Variants in KIAA1614 observed in about 807,000 individuals in gnomAD.
KIAA1614 encodes uncharacterized protein KIAA1614.
KIAA1614 carries 76 observed loss-of-function variants against 88.7 expected under a neutral mutation model. The ratio of observed to expected loss-of-function variants is 0.86; its 90% CI spans 0.71 to 1.04. KIAA1614 has a LOEUF of 1.04. Among genes scored for constraint, KIAA1614 ranks in the 50% least tolerant of loss-of-function variants. The pLI, the probability that KIAA1614 is intolerant of heterozygous loss-of-function variation, is 0.00. For synonymous variants in KIAA1614, 714 were observed against 675.5 expected (o/e 1.06, Z -0.88); for missense variants, 1,553 against 1,582.5 (o/e 0.98, Z 0.32).
In KIAA1614 at chr1:180,946,497, GC is replaced by G. The variant is rs563491329; in HGVS notation, c.*912del. ...GGCAACGTGACTTGCAAAAGCCCACGCCCAAGGTCTGTGGTCCAGAATGCAT... is the reference window on the plus strand; with the variant it reads ...GGCAACGTGACTTGCAAAAGCCCACGCCAAGGTCTGTGGTCCAGAATGCAT... On this transcript the variant is annotated 3_prime_UTR_variant, in exon 9 of 9. Coordinates refer to ENST00000367588, the MANE Select transcript of KIAA1614 (RefSeq NM_020950.2). 1.1e-3 allele frequency: 174 copies of G among 152,356 alleles called. 2 individuals are homozygous for G. Among genetic ancestry groups the G allele is most frequent in the African/African-American group, 4.0e-3 (166 of 41,548 alleles). The allele number at this position is 152,356 out of a possible 1,614,324, so 9.4% of individuals were successfully genotyped here. A position where few individuals can be genotyped will look rare whatever the true frequency, so the allele number is the denominator to read the frequency against.
chr1:180,936,663 C>T lies in KIAA1614; in HGVS notation c.2754C>T (p.Ser918=), dbSNP rs1379523952. The T allele has an allele frequency of 2.0e-6, 3 of 1,525,126 alleles. No homozygotes were observed. In the African/African-American group the frequency reaches 4.1e-5, roughly 21 times the overall value. The allele number at this position is 1,525,126 out of a possible 1,614,324, so 94.5% of individuals were successfully genotyped here. Residue 918 remains serine (S), a synonymous_variant, in exon 5 of 9, where the codon AGC becomes AGT. Coordinates refer to ENST00000367588, the MANE Select transcript of KIAA1614 (RefSeq NM_020950.2). The stretch of plus-strand genomic sequence containing the variant: ...AACCGGAGCCGCCCCTGGAGAACAG[C>T]AGAGATGGTAAGGGGCTGCCGCTGG... ...SREPEPPLEN[S]RDGGPQGFLG... is the part of the protein sequence containing the mutation.
At chr1:180,926,163 C>T (rs1654062963) in intron 3 of KIAA1614, among the ~76,000 whole-genome samples, 1 of 152,240 alleles carries the variant, frequency 6.6e-6, no homozygotes, top group South Asian at 2.1e-4. Context: ...CCCAACCCTT[C>T]TAGGAATTTT....
chr1:180,919,409 A>T (rs774678451), intron 3 of KIAA1614, among the ~76,000 whole-genome samples: 10 of 152,142 alleles, frequency 6.6e-5, no homozygotes, highest in Non-Finnish European at 1.3e-4. Context: ...GAGGAGCGTG[A>T]CTACAGAAAG....
intron 3 of KIAA1614, among the ~76,000 whole-genome samples, chr1:180,922,404 C>A (rs1263519735): frequency 6.6e-6 from 1 of 152,226 alleles, no homozygotes; most frequent in Non-Finnish European, 1.5e-5. Flanking sequence ...TGTGAGTGAT[C>A]GAGGACCAAA....
rs1654314369 is a variant in KIAA1614, at chr1:180,935,667, G to A, written c.1758G>A (p.Glu586=). The A allele has an allele frequency of 6.2e-7, 1 of 1,613,242 alleles. No homozygotes were observed. Among genetic ancestry groups the A allele is most frequent in the Non-Finnish European group, 8.5e-7 (1 of 1,179,814 alleles). ...CCCCACTCCGGCTCCTTCCTGCAGAGCCCCGGCTCCACATGGAATGGATCC... is the reference window on the plus strand; with the variant it reads ...CCCCACTCCGGCTCCTTCCTGCAGAACCCCGGCTCCACATGGAATGGATCC... The part of the protein sequence containing the change: ...LSSPLRLLPA[E]PRLHMEWIRE... The change falls in exon 5 of 9, where the codon GAG becomes GAA. Residue 586 remains glutamate, a synonymous_variant. Coordinates refer to ENST00000367588, the MANE Select transcript of KIAA1614 (RefSeq NM_020950.2). This position sits in a 1 kb window ranked among gnomAD's most constrained non-coding sequence, Gnocchi z 6.1.
intron 3 of KIAA1614, among the ~76,000 whole-genome samples, chr1:180,921,226 C>T (rs1261508450): frequency 6.7e-6 from 1 of 149,780 alleles, no homozygotes; most frequent in Non-Finnish European, 1.5e-5. Flanking sequence ...GGCGGGGGGT[C>T]ACAAGGTGCT....
chr1:180,941,077 C>T lies in KIAA1614; in HGVS notation c.2951C>T (p.Ser984Phe), dbSNP rs771519625. The change falls in exon 7 of 9, where the codon TCC (serine) becomes TTC (phenylalanine). Residue 984 changes from serine (S) to phenylalanine (F), a missense_variant. By Grantham distance (155) the Ser-to-Phe change is radical (BLOSUM62 -2). Coordinates refer to ENST00000367588, the MANE Select transcript of KIAA1614 (RefSeq NM_020950.2). ...ASAGAGTGPG[S>F]PSAAPLDQNK... ...GCAGGAGCTGGCACAGGACCCGGCT[C>T]CCCCTCGGCTGCCCCTTTGGACCAG... 5.6e-6 allele frequency: 9 copies of T among 1,610,704 alleles called. No individual in the cohort carries two copies. The African/African-American group carries it at 1.1e-4, about 19-fold the overall frequency.
At position 180,950,015 on chromosome 1, in the gene KIAA1614, T is replaced by C. The variant is rs2297184; in HGVS notation, c.*4427T>C. ...AGAAAAGCTCATCTCAGAAAAAGAT[T>C]AGCTCACTCACTGTCAGGTATAAAT... On this transcript the variant is annotated 3_prime_UTR_variant, in exon 9 of 9. Coordinates refer to ENST00000367588, the MANE Select transcript of KIAA1614 (RefSeq NM_020950.2). 53,455 of 152,330 alleles carry C rather than the reference T, an allele frequency of 0.35. 9,604 individuals are homozygous for C. Among genetic ancestry groups the C allele is most frequent in the African/African-American group, 0.42 (17,581 of 41,508 alleles). 9.4% of individuals were successfully genotyped at this position (152,330 alleles called of 1,614,324 possible). A position where few individuals can be genotyped will look rare whatever the true frequency, so the allele number is the denominator to read the frequency against.
intron 5 of KIAA1614, among the ~76,000 whole-genome samples, chr1:180,938,251 G>T (rs1654374997): frequency 6.6e-6 from 1 of 152,202 alleles, no homozygotes; most frequent in Non-Finnish European, 1.5e-5. Context: ...TTAACAAACA[G>T]TGATCATCTA....
At position 180,949,781 on chromosome 1, in the gene KIAA1614, C is replaced by T. The variant is rs180854420; in HGVS notation, c.*4193C>T. 1.1e-3 allele frequency: 167 copies of T among 152,342 alleles called. No individual in the cohort carries two copies. Among genetic ancestry groups the T allele is most frequent in the African/African-American group, 3.8e-3 (159 of 41,560 alleles). The allele number at this position is 152,342 out of a possible 1,614,324, so 9.4% of individuals were successfully genotyped here. On this transcript the variant is annotated 3_prime_UTR_variant, in exon 9 of 9. Transcript: ENST00000367588. Reference sequence around the variant, plus strand: ...ATTGAGGAGCCATATCTGAGTAAGACTGAGGCCAGTGTCAGTCTTTGGCAA... The same window carrying T: ...ATTGAGGAGCCATATCTGAGTAAGATTGAGGCCAGTGTCAGTCTTTGGCAA...
intron 3 of KIAA1614, among the ~76,000 whole-genome samples, chr1:180,925,876 G>A (rs1234668889): frequency 1.3e-5 from 2 of 152,084 alleles, no homozygotes; most frequent in Non-Finnish European, 2.9e-5. Context: ...CCCAAGGGGG[G>A]ACCTCGAAAT....
chr1:180,916,026 C>A, intron 1 of KIAA1614, 128 bp from the exon 2 acceptor site: 1 of 567,192 alleles, frequency 1.8e-6, no homozygotes, highest in Non-Finnish European at 3.0e-6. Flanking sequence ...AAGAGAGCAT[C>A]CCCTGCTCTG....
chr1:180,933,080 T>C (rs900590331), intron 4 of KIAA1614, among the ~76,000 whole-genome samples: 17 of 152,308 alleles, frequency 1.1e-4, no homozygotes, highest in Non-Finnish European at 1.8e-4. Flanking sequence ...TCTGGAGCAG[T>C]GCTTATGGGG....
intron 1 of KIAA1614, 111 bp downstream of exon 1, chr1:180,913,404 G>A: frequency 1.5e-6 from 1 of 647,842 alleles, no homozygotes; most frequent in Non-Finnish European, 2.2e-6. Context: ...GGCCTCCCAC[G>A]GGCTCGGAGC....
rs1342652405 is a variant in KIAA1614 at position 180,948,811 on chromosome 1, A to G, written c.*3223A>G. 1 of 152,364 alleles carries G rather than the reference A, an allele frequency of 6.6e-6. No individual in the cohort carries two copies. Among genetic ancestry groups the G allele is most frequent in the Admixed American group, 6.5e-5 (1 of 15,290 alleles). 9.4% of individuals were successfully genotyped at this position (152,364 alleles called of 1,614,324 possible). The stretch of plus-strand genomic sequence containing the variant: ...CCACAGAAAAGGCTCGGCTTGGCCA[A>G]GAAGCAACAAAAGGGATTCTACACC... On this transcript the variant is annotated 3_prime_UTR_variant, in exon 9 of 9. Coordinates refer to ENST00000367588, the MANE Select transcript of KIAA1614 (RefSeq NM_020950.2).
Position 180,945,963 on chromosome 1 carries a change from C to G in KIAA1614, c.*375C>G, listed in dbSNP as rs10157421. On this transcript the variant is annotated 3_prime_UTR_variant, in exon 9 of 9. Transcript: ENST00000367588. ...TACTAAAAATACAAAATTAGCTGGG[C>G]GTGGTGGCGCATGCCTATAATCCCA... is the stretch of plus-strand genomic sequence containing the variant. 2,709 of 235,188 alleles carry G rather than the reference C, an allele frequency of 0.012. 86 individuals carry two copies. Among genetic ancestry groups the G allele is most frequent in the African/African-American group, 0.06 (2,599 of 43,184 alleles). The allele number at this position is 235,188 out of a possible 1,614,324, so 14.6% of individuals were successfully genotyped here.
chr1:180,936,099 A>G lies in KIAA1614; in HGVS notation c.2190A>G (p.Gly730=). 6.2e-7 allele frequency: 1 copy of G among 1,614,134 alleles called. No individual in the cohort carries two copies. Among genetic ancestry groups the G allele is most frequent in the Non-Finnish European group, 8.5e-7 (1 of 1,180,006 alleles). Residue 730 remains glycine, a synonymous_variant, in exon 5 of 9, where the codon GGA becomes GGG. Transcript: ENST00000367588. ...AGTGGCAGCCTGGACCAGGGCTGGG[A>G]AGTCACCAGCCTCACCCTTTGGATT... ...GPQWQPGPGL[G]SHQPHPLDSR...
chr1:180,940,326 C>A (rs1052812200), intron 6 of KIAA1614, among the ~76,000 whole-genome samples: 1 of 152,140 alleles, frequency 6.6e-6, no homozygotes. Flanking sequence ...CATGGTGAAG[C>A]CCTGTCTGTA....
chr1:180,935,484 G>C lies in KIAA1614; in HGVS notation c.1575G>C (p.Pro525=). The C allele has an allele frequency of 6.8e-7, 1 of 1,480,902 alleles. No homozygotes were observed. Among genetic ancestry groups the C allele is most frequent in the Non-Finnish European group, 8.9e-7 (1 of 1,120,802 alleles). The allele number at this position is 1,480,902 out of a possible 1,614,324, so 91.7% of individuals were successfully genotyped here. Reference sequence around the variant, plus strand: ...GCAGCCTGGACCGCAGGGGACACCCGGCACCGCCGGCACCGGGCAGCGAGA... The same window carrying C: ...GCAGCCTGGACCGCAGGGGACACCCCGCACCGCCGGCACCGGGCAGCGAGA... ...LVGSLDRRGH[P]APPAPGSERR... is the part of the protein sequence containing the mutation. Residue 525 remains proline (P), a synonymous_variant, in exon 5 of 9, where the codon CCG becomes CCC. Transcript: ENST00000367588. This position sits in a 1 kb window ranked among gnomAD's most constrained non-coding sequence, Gnocchi z 6.1.
Sources: allele counts gnomAD v4.1 joint callset (sites outside exome capture counted in the v4.1 genomes callset), GRCh38; gene constraint gnomAD v4.1.1; non-coding constraint Gnocchi (gnomAD v3.1); transcripts MANE v1.5; gene names NCBI Gene and HGNC (gene_info 2026-07-23, HGNC 2026-07-21).